ZC2HC1A: variants seen among roughly 807,000 people sequenced by gnomAD.
The protein encoded by ZC2HC1A is zinc finger C2HC domain-containing protein 1A.
ZC2HC1A carries 28 observed loss-of-function variants against 40.7 expected under a neutral mutation model. The ratio of observed to expected loss-of-function variants is 0.69; its 90% CI spans 0.51 to 0.94. The LOEUF (loss-of-function observed/expected upper bound fraction) is 0.94, where lower values mean the gene tolerates loss of function less well. Ranked by LOEUF, ZC2HC1A falls within the 40% of genes least tolerant of loss-of-function variation. The pLI is 0.00. For synonymous variants in ZC2HC1A, 129 were observed against 129.2 expected, an observed-to-expected ratio of 1.00 and a Z score of 0.01; for missense variants, 389 against 386.3, an observed-to-expected ratio of 1.01 and a Z score of -0.06.
intron 3 of ZC2HC1A, chr8:78,685,788 A>G (rs939003124): frequency 4.6e-5 from 7 of 152,344 alleles, no homozygotes; most frequent in Non-Finnish European, 1.0e-4. Flanking sequence ...TAGAGGATCT[A>G]TGGAAAAACA....
rs200096220 is a variant in ZC2HC1A at position 78,697,437 on chromosome 8, T to C, written c.535T>C (p.Ser179Pro). 5.0e-5 allele frequency: 80 copies of C among 1,604,622 alleles called. No individual in the cohort carries two copies. Among genetic ancestry groups the C allele is most frequent in the Non-Finnish European group, 6.5e-5 (77 of 1,177,366 alleles). Reference sequence around the variant, plus strand: ...GCCACCCGCACTTAAAAAGTCAAATTCTCCTGGAACTGCATCATCAGGATC... The same window carrying C: ...GCCACCCGCACTTAAAAAGTCAAATCCTCCTGGAACTGCATCATCAGGATC... Reference protein sequence around the residue: ...YKPPALKKSNSPGTASSGSSR... With the variant: ...YKPPALKKSNPPGTASSGSSR... Residue 179 changes from serine (S) to proline (P), a missense_variant, in exon 6 of 9, where the codon TCT (serine) becomes CCT (proline). Transcript: ENST00000263849.
chr8:78,689,474 A>C (rs1158796118), intron 5 of ZC2HC1A, 101 bp downstream of exon 5: 3 of 1,118,536 alleles, frequency 2.7e-6, no homozygotes, highest in African/African-American at 1.6e-5. Context: ...TATTTTTCTC[A>C]CCTGCTTTTA....
chr8:78,693,235 G>C (rs1383774980), intron 5 of ZC2HC1A, among the ~76,000 whole-genome samples: 1 of 152,004 alleles, frequency 6.6e-6, no homozygotes, highest in Non-Finnish European at 1.5e-5. Flanking sequence ...ATAGTCCTTT[G>C]GGTATATACC....
At position 78,717,396 on chromosome 8, in the gene ZC2HC1A, G is replaced by C. The variant is rs1811141536; in HGVS notation, c.881G>C (p.Gly294Ala). ...AAAGGCATTGAAGGACATTCACCTG[G>C]AAACTTACCAAAATTCTGCCATGAG... ...NIKGIEGHSP[G>A]NLPKFCHECG... The change falls in exon 9 of 9, where the codon GGA becomes GCA. Residue 294 changes from glycine (G) to alanine (A), a missense_variant. Transcript: ENST00000263849. 1 of 1,612,920 alleles carries C rather than the reference G, an allele frequency of 6.2e-7. No homozygotes were observed. The highest frequency in any genetic ancestry group is 8.5e-7 in the Non-Finnish European group (1 of 1,179,750).
At chr8:78,686,129 A>G (rs1483904854) in intron 3 of ZC2HC1A, among the ~76,000 whole-genome samples, 15 of 152,206 alleles carry the variant, frequency 9.9e-5, no homozygotes, top group Non-Finnish European at 2.2e-4. Context: ...CCCACCTCGT[A>G]CTACTGTTAT....
At chr8:78,682,574 A>G (rs529306188) in intron 3 of ZC2HC1A, among the ~76,000 whole-genome samples, 6 of 152,218 alleles carry the variant, frequency 3.9e-5, no homozygotes, top group Admixed American at 6.5e-5. Flanking sequence ...TTACCTCCCA[A>G]TGGGTTCCTC....
In ZC2HC1A at chr8:78,715,255, A is replaced by G. The variant is rs761638942; in HGVS notation, c.739A>G (p.Ser247Gly). ...CAAACCCCGAAATTCCACACCACCT[A>G]GTTTGGCAAGAAATCCTGCCCCAGG... ...NVKPRNSTPP[S>G]LARNPAPGVL... is the part of the protein sequence containing the mutation. Residue 247 changes from serine (S) to glycine (G), a missense_variant, in exon 8 of 9, where the codon AGT (serine) becomes GGT (glycine). Ser to Gly is a moderately conservative substitution (Grantham distance 56). Transcript: ENST00000263849. 1 of 1,613,968 alleles carries G rather than the reference A, an allele frequency of 6.2e-7. No homozygotes were observed. Among genetic ancestry groups the G allele is most frequent in the Non-Finnish European group, 8.5e-7 (1 of 1,179,950 alleles).
At chr8:78,702,027 G>T (rs1051612656) in intron 7 of ZC2HC1A, among the ~76,000 whole-genome samples, 31 of 152,106 alleles carry the variant, frequency 2.0e-4, no homozygotes, top group African/African-American at 6.7e-4. Context: ...TCAATTTTTT[G>T]GAATAATATC....
chr8:78,707,792 C>CAT (rs1346055719), intron 7 of ZC2HC1A, among the ~76,000 whole-genome samples: 1 of 151,742 alleles, frequency 6.6e-6, no homozygotes, highest in Non-Finnish European at 1.5e-5. Context: ...CATTGTGTTA[C>CAT]TGTATTAAAT....
intron 2 of ZC2HC1A, among the ~76,000 whole-genome samples, chr8:78,678,239 T>C (rs913635977): frequency 2.6e-5 from 4 of 152,150 alleles, no homozygotes; most frequent in Admixed American, 2.6e-4. Flanking sequence ...TCAGCTCCTG[T>C]TTAAGATGGA....
rs1332458391 is a variant in ZC2HC1A at position 78,718,919 on chromosome 8, A to C, written c.*1426A>C. ...ATCAACTATAAGACACAATGTAAAG[A>C]ATTGTGGCTTATAATTTATCTGAAA... On this transcript the variant is annotated 3_prime_UTR_variant, in exon 9 of 9. Transcript: ENST00000263849. 2.0e-5 allele frequency: 3 copies of C among 151,684 alleles called. 1 individual carries two copies. 9.4% of individuals were successfully genotyped at this position (151,684 alleles called of 1,614,324 possible).
rs552466889 is a variant in ZC2HC1A, at chr8:78,685,644, A to G, written c.211-823A>G. Among the ~76,000 whole-genome samples, 19 of 152,358 alleles carry G rather than the reference A, an allele frequency of 1.2e-4. No individual in the cohort carries two copies. In the East Asian group the frequency reaches 3.5e-3, roughly 28 times the overall value. The stretch of plus-strand genomic sequence containing the variant: ...GTCCACAGTAAAGACAATACATTAA[A>G]TGATTCTTAGTAATTTAAAAAGGTG... On this transcript the variant is annotated intron_variant, in intron 3 of 8. Transcript: ENST00000263849.
At chr8:78,681,199 A>G (rs1188533659) in intron 3 of ZC2HC1A, among the ~76,000 whole-genome samples, 2 of 152,074 alleles carry the variant, frequency 1.3e-5, no homozygotes, top group Non-Finnish European at 2.9e-5. Context: ...GCTAGTTTGT[A>G]TAGCTACCCT....
At chr8:78,677,447 G>A (rs999739862) in intron 2 of ZC2HC1A, among the ~76,000 whole-genome samples, 1 of 152,042 alleles carries the variant, frequency 6.6e-6, no homozygotes, top group African/African-American at 2.4e-5. Flanking sequence ...CCAGAAGGGA[G>A]GAAAAGAATT....
intron 5 of ZC2HC1A, among the ~76,000 whole-genome samples, chr8:78,696,098 G>A (rs1810399142): frequency 6.6e-6 from 1 of 151,842 alleles, no homozygotes; most frequent in Non-Finnish European, 1.5e-5. Flanking sequence ...GCAGTGGCGT[G>A]ATCTCGGCTC....
At chr8:78,711,625 T>G (rs993708463) in intron 7 of ZC2HC1A, among the ~76,000 whole-genome samples, 1 of 152,120 alleles carries the variant, frequency 6.6e-6, no homozygotes, top group Non-Finnish European at 1.5e-5. Flanking sequence ...CCATGAATTC[T>G]GGGAGGAAGA....
In ZC2HC1A at chr8:78,687,884, T is replaced by C. The variant is rs190553943; in HGVS notation, c.352+1276T>C. Among the ~76,000 whole-genome samples, 867 of 123,712 alleles carry C rather than the reference T, an allele frequency of 7.0e-3. 11 individuals are homozygous for C. The highest frequency in any genetic ancestry group is 0.023 in the African/African-American group (786 of 34,838). 81.2% of individuals were successfully genotyped at this position (123,712 alleles called of 152,430 possible). The stretch of plus-strand genomic sequence containing the variant: ...TATATCTATATAATAAATATATATT[T>C]ATATAATAAATTATATATATTTATA... On this transcript the variant is annotated intron_variant, in intron 4 of 8. Coordinates refer to ENST00000263849, the MANE Select transcript of ZC2HC1A (RefSeq NM_016010.3).
chr8:78,668,421 C>T (rs371468018), intron 1 of ZC2HC1A, among the ~76,000 whole-genome samples: 4 of 152,218 alleles, frequency 2.6e-5, no homozygotes. Context: ...TGTACTCTGG[C>T]ATTAGACATA....
chr8:78,698,800 A>C (rs1024700705), intron 7 of ZC2HC1A, among the ~76,000 whole-genome samples: 1 of 152,192 alleles, frequency 6.6e-6, no homozygotes, highest in Non-Finnish European at 1.5e-5. Context: ...GACGATTTTT[A>C]TACTAACTAT....
Sources: allele counts gnomAD v4.1 joint callset (sites outside exome capture counted in the v4.1 genomes callset), GRCh38; gene constraint gnomAD v4.1.1; transcripts MANE v1.5; gene names NCBI Gene and HGNC (gene_info 2026-07-23, HGNC 2026-07-21).